GIPC1: variants seen among roughly 807,000 people sequenced by gnomAD.
The protein encoded by GIPC1 is GIPC PDZ domain containing family member 1.
A neutral mutation model predicts 28.5 loss-of-function variants in GIPC1; 15 were observed. That is an observed-to-expected ratio of 0.53 (90% CI 0.35 to 0.81). The LOEUF (loss-of-function observed/expected upper bound fraction) is 0.81, where lower values mean the gene tolerates loss of function less well. Among genes scored for constraint, GIPC1 ranks in the 30% least tolerant of loss-of-function variants. The pLI is 0.01. For synonymous variants in GIPC1, 224 were observed against 206.1 expected (o/e 1.09, Z -0.74); for missense variants, 439 against 481.9 (o/e 0.91, Z 0.83).
Position 14,482,685 on chromosome 19 carries a change from A to G in GIPC1, c.288+4T>C, listed in dbSNP as rs2146468094. 1 of 1,611,204 alleles carries G rather than the reference A, an allele frequency of 6.2e-7. No homozygotes were observed. Among genetic ancestry groups the G allele is most frequent in the Non-Finnish European group, 8.5e-7 (1 of 1,179,822 alleles). On this transcript the variant is annotated splice_donor_region_variant and intron_variant, in intron 4 of 8. Coordinates refer to ENST00000393033, the MANE Select transcript of GIPC1 (RefSeq NM_005716.4). ...ACCCTGGTGCCCGGCTCCCCAGTGG[A>G]TACCTCGGCAGTTGGCAGGCGGAAG...
Position 14,478,319 on chromosome 19 carries a change from G to C in GIPC1, c.*97C>G. On this transcript the variant is annotated 3_prime_UTR_variant, in exon 9 of 9. Transcript: ENST00000393033. This position sits in a 1 kb window ranked among gnomAD's most constrained non-coding sequence, Gnocchi z 5.2. ...CCATCGTCCTTGGGCTGCTGAGCTA[G>C]GCTCAGGCTGGAGGCTCGGGTCCTG... 2 of 1,285,044 alleles carry C rather than the reference G, an allele frequency of 1.6e-6. No individual in the cohort carries two copies. The highest frequency in any genetic ancestry group is 2.1e-6 in the Non-Finnish European group (2 of 932,440). The allele number at this position is 1,285,044 out of a possible 1,614,324, so 79.6% of individuals were successfully genotyped here. A position where few individuals can be genotyped will look rare whatever the true frequency, so the allele number is the denominator to read the frequency against.
intron 4 of GIPC1, chr19:14,482,184 C>A: frequency 5.7e-6 from 1 of 176,466 alleles, no homozygotes; most frequent in Non-Finnish European, 1.2e-5. Flanking sequence ...CTGATGGGAA[C>A]TCAGCGTCCA....
In GIPC1 at chr19:14,482,957, C is replaced by A. The variant is rs752334098; in HGVS notation, c.20G>T (p.Arg7Leu). 7.4e-6 allele frequency: 12 copies of A among 1,611,678 alleles called. No homozygotes were observed. Among genetic ancestry groups the A allele is most frequent in the Non-Finnish European group, 1.0e-5 (12 of 1,179,870 alleles). The part of the protein sequence containing the change: MPLGLG[R>L]RKKAPPLVEN... ...CACTAGAGGGGGCGCCTTTTTCCGC[C>A]GCCCCAGTCCCAGCGGCATGAGCAG... is the stretch of plus-strand genomic sequence containing the variant. The change falls in exon 4 of 9, where the codon CGG becomes CTG. Residue 7 changes from arginine to leucine, a missense_variant. Arg to Leu is a moderately radical substitution (Grantham distance 102, BLOSUM62 -2). Coordinates refer to ENST00000393033, the MANE Select transcript of GIPC1 (RefSeq NM_005716.4).
intron 1 of GIPC1, 50 bp from the exon 2 acceptor site, chr19:14,492,962 CAA>C (rs1426068806): frequency 2.0e-5 from 3 of 151,978 alleles, no homozygotes; most frequent in Non-Finnish European, 2.9e-5. Flanking sequence ...TGTGGAAATC[CAA>C]AGAGATTACC....
chr19:14,486,712 CTTTT>C (rs35491814), intron 3 of GIPC1, among the ~76,000 whole-genome samples: 18 of 124,756 alleles, frequency 1.4e-4, no homozygotes, highest in South Asian at 1.3e-3. Flanking sequence ...TTCTTTCTTT[CTTTT>C]TTTTTTTTTT....
At chr19:14,481,976 T>A (rs1432233841) in intron 4 of GIPC1, 1 of 152,848 alleles carries the variant, frequency 6.5e-6, no homozygotes, top group Non-Finnish European at 1.5e-5. Context: ...GAGAAGTGCA[T>A]CTCGTATCTG....
chr19:14,479,931 C>A, intron 6 of GIPC1: 1 of 433,142 alleles, frequency 2.3e-6, no homozygotes, highest in South Asian at 2.9e-5. Flanking sequence ...CCCCCACCCC[C>A]ACCTCAGGGG....
chr19:14,479,656 G>T, intron 6 of GIPC1, 132 bp from the exon 7 acceptor site: 1 of 492,640 alleles, frequency 2.0e-6, no homozygotes, highest in Middle Eastern at 5.3e-4. Context: ...TGGGGGCTGG[G>T]GCCGGGGTGA....
intron 3 of GIPC1, chr19:14,489,429 C>G: frequency 1.2e-6 from 1 of 850,876 alleles, no homozygotes; most frequent in Non-Finnish European, 2.1e-6. Flanking sequence ...AATTTACGGA[C>G]AAGAAGTTTT....
At chr19:14,480,553 T>C in intron 5 of GIPC1, 40 bp downstream of exon 5, 1 of 1,607,110 alleles carries the variant, frequency 6.2e-7, no homozygotes, top group Non-Finnish European at 8.5e-7. Context: ...TGGCCCACCC[T>C]CACTCCCAGG....
intron 3 of GIPC1, among the ~76,000 whole-genome samples, chr19:14,489,018 TG>T (rs1357673576): frequency 6.6e-5 from 10 of 151,884 alleles, no homozygotes; most frequent in Admixed American, 6.6e-4. Flanking sequence ...CTCAAATTCC[TG>T]GGCTCAAGCA....
At chr19:14,487,865 G>C (rs924083177) in intron 3 of GIPC1, among the ~76,000 whole-genome samples, 2 of 151,334 alleles carry the variant, frequency 1.3e-5, no homozygotes, top group African/African-American at 2.4e-5. Context: ...TTATTTTTTA[G>C]AGACAGGGTC....
chr19:14,482,671 C>T lies in GIPC1; in HGVS notation c.288+18G>A, dbSNP rs779418318. On this transcript the variant is annotated intron_variant, in intron 4 of 8. Transcript: ENST00000393033. The stretch of plus-strand genomic sequence containing the variant: ...GTCCACCATCAGGGACCCTGGTGCC[C>T]GGCTCCCCAGTGGATACCTCGGCAG... The T allele has an allele frequency of 1.6e-5, 26 of 1,609,064 alleles. No individual in the cohort carries two copies. Among genetic ancestry groups the T allele is most frequent in the East Asian group, 4.5e-5 (2 of 44,882 alleles).
Position 14,479,142 on chromosome 19 carries a change from C to T in GIPC1, c.768+270G>A, listed in dbSNP as rs368009131. On this transcript the variant is annotated intron_variant, in intron 7 of 8. Transcript: ENST00000393033. ...GCTGGATCACCTGATGTCAGGAGTT[C>T]GAGACCAACTCCTGGCCTGGCCAAC... Among the ~76,000 whole-genome samples the T allele has an allele frequency of 3.3e-5, 5 of 152,110 alleles. No homozygotes were observed. In the East Asian group the frequency reaches 5.8e-4, roughly 18 times the overall value.
chr19:14,483,058 C>T (rs2071767174), intron 3 of GIPC1, 52 bp from the exon 4 acceptor site: 2 of 1,289,342 alleles, frequency 1.6e-6, no homozygotes, highest in East Asian at 2.3e-5. Context: ...TTGGGTGCCC[C>T]TCCCACACTA....
intron 3 of GIPC1, among the ~76,000 whole-genome samples, chr19:14,483,940 C>T (rs972530531): frequency 7.3e-5 from 11 of 151,550 alleles, no homozygotes; most frequent in Non-Finnish European, 1.5e-4. Context: ...CTCAAGGGAT[C>T]CTCACACCTC....
intron 1 of GIPC1, among the ~76,000 whole-genome samples, chr19:14,495,775 CG>C (rs1478269911): frequency 6.6e-6 from 1 of 151,918 alleles, no homozygotes; most frequent in Non-Finnish European, 1.5e-5. Flanking sequence ...AGCCGGGGGA[CG>C]GGGGGAGGGG....
intron 3 of GIPC1, among the ~76,000 whole-genome samples, chr19:14,486,033 G>A (rs933288228): frequency 6.6e-6 from 1 of 152,108 alleles, no homozygotes; most frequent in Non-Finnish European, 1.5e-5. Flanking sequence ...GCCTCCCAAA[G>A]TGCTGGGATT....
In GIPC1 at chr19:14,494,421, C is replaced by A. The variant is rs187042951; in HGVS notation, c.-174-1509G>T. Among the ~76,000 whole-genome samples the A allele has an allele frequency of 3.4e-3, 523 of 152,324 alleles. 2 individuals are homozygous for A. Among genetic ancestry groups the A allele is most frequent in the African/African-American group, 0.012 (509 of 41,578 alleles). On this transcript the variant is annotated intron_variant, in intron 1 of 8. Coordinates refer to ENST00000393033, the MANE Select transcript of GIPC1 (RefSeq NM_005716.4). ...TTGCCTGATCTTTGCTGGGCTGGCACCCCTTGCCCACAACTACTCTCTACA... is the reference window on the plus strand; with the variant it reads ...TTGCCTGATCTTTGCTGGGCTGGCAACCCTTGCCCACAACTACTCTCTACA...
Sources: allele counts gnomAD v4.1 joint callset (sites outside exome capture counted in the v4.1 genomes callset), GRCh38; gene constraint gnomAD v4.1.1; non-coding constraint Gnocchi (gnomAD v3.1); transcripts MANE v1.5; gene names NCBI Gene and HGNC (gene_info 2026-07-23, HGNC 2026-07-21).